SPTBN4: variants seen among roughly 807,000 people sequenced by gnomAD.
SPTBN4 encodes the protein spectrin beta, non-erythrocytic 4.
SPTBN4 carries 96 observed loss-of-function variants against 277.8 expected under a neutral mutation model. That is an observed-to-expected ratio of 0.35 (90% CI 0.29 to 0.41). The LOEUF (loss-of-function observed/expected upper bound fraction) is 0.41, where lower values mean the gene tolerates loss of function less well. Ranked by LOEUF, SPTBN4 falls within the 10% of genes least tolerant of loss-of-function variation. SPTBN4 has a pLI of 1.00. For missense variants in SPTBN4, 3,006 were observed against 3,595.7 expected (o/e 0.84, Z 4.19); for synonymous variants, 1,481 against 1,580.3 (o/e 0.94, Z 1.49).
intron 13 of SPTBN4, among the ~76,000 whole-genome samples, chr19:40,509,813 C>T (rs369809935): frequency 2.6e-5 from 4 of 152,140 alleles, no homozygotes; most frequent in South Asian, 2.1e-4. Flanking sequence ...TCACCCTAGC[C>T]GACCTGGGTC....
chr19:40,557,482 T>C, intron 26 of SPTBN4, 79 bp downstream of exon 26: 8 of 1,475,526 alleles, frequency 5.4e-6, no homozygotes, highest in Non-Finnish European at 7.2e-6. Flanking sequence ...AATCAGGCTG[T>C]GGAGCAGGTC....
In SPTBN4 at chr19:40,484,657, G is replaced by A. The variant is rs575045888; in HGVS notation, c.170-3040G>A. Among the ~76,000 whole-genome samples, 151 of 152,004 alleles carry A rather than the reference G, an allele frequency of 9.9e-4. 1 individual carries two copies. The highest frequency in any genetic ancestry group is 1.5e-3 in the Non-Finnish European group (100 of 68,020). On this transcript the variant is annotated intron_variant, in intron 2 of 35. Coordinates refer to ENST00000598249, the MANE Select transcript of SPTBN4 (RefSeq NM_020971.3). Reference sequence around the variant, plus strand: ...TAAACTTTATTTTTGGCCAGGCGAGGTGGCTCACGCCTGTAATCCTAGCAC... The same window carrying A: ...TAAACTTTATTTTTGGCCAGGCGAGATGGCTCACGCCTGTAATCCTAGCAC...
intron 18 of SPTBN4, 118 bp from the exon 19 acceptor site, chr19:40,532,507 A>G: frequency 7.5e-7 from 1 of 1,325,296 alleles, no homozygotes. Flanking sequence ...ATCCTTTCCT[A>G]TTCCTTCCAC....
chr19:40,568,717 T>G (rs1282425487), intron 31 of SPTBN4, among the ~76,000 whole-genome samples: 1 of 152,128 alleles, frequency 6.6e-6, no homozygotes, highest in Admixed American at 6.5e-5. Context: ...TCTTCTCCAT[T>G]GTATGACTAG....
At chr19:40,510,946 G>T (rs1203501772) in intron 13 of SPTBN4, among the ~76,000 whole-genome samples, 3 of 152,162 alleles carry the variant, frequency 2.0e-5, no homozygotes, top group African/African-American at 7.2e-5. Flanking sequence ...GAGCCCAGGA[G>T]TTGGAGGCTG....
chr19:40,484,313 A>G (rs1055360053), intron 2 of SPTBN4, among the ~76,000 whole-genome samples: 1 of 152,216 alleles, frequency 6.6e-6, no homozygotes, highest in Admixed American at 6.6e-5. Flanking sequence ...GGAAATATAC[A>G]TCTTTATTCC....
Position 40,560,554 on chromosome 19 carries a change from G to C in SPTBN4, c.5915+151G>C. On this transcript the variant is annotated intron_variant, in intron 27 of 35. Transcript: ENST00000598249. The surrounding 1 kb of genome is among the most constrained non-coding windows in gnomAD (Gnocchi z 5.2). The stretch of plus-strand genomic sequence containing the variant: ...TGCTAGGCACTGTTCTAGGTGCTTC[G>C]TGTGTATTCAGACCCCTTTTTTAGG... 1 of 1,525,444 alleles carries C rather than the reference G, an allele frequency of 6.6e-7. No homozygotes were observed. The highest frequency in any genetic ancestry group is 1.3e-5 in the South Asian group (1 of 78,448). The allele number at this position is 1,525,444 out of a possible 1,614,324, so 94.5% of individuals were successfully genotyped here.
At chr19:40,468,594 G>A (rs1233162453) in intron 1 of SPTBN4, among the ~76,000 whole-genome samples, 3 of 152,068 alleles carry the variant, frequency 2.0e-5, no homozygotes, top group South Asian at 2.1e-4. Flanking sequence ...TGGCCAGGCC[G>A]GTCTCGAATT....
intron 3 of SPTBN4, among the ~76,000 whole-genome samples, chr19:40,489,758 C>G (rs888725621): frequency 6.7e-6 from 1 of 149,212 alleles, no homozygotes; most frequent in Admixed American, 6.6e-5. Flanking sequence ...AGACTATGGG[C>G]TAGGAGGGCG....
chr19:40,543,090 C>T (rs1328628544), intron 20 of SPTBN4, among the ~76,000 whole-genome samples: 4 of 152,086 alleles, frequency 2.6e-5, no homozygotes, highest in Non-Finnish European at 5.9e-5. Flanking sequence ...CGGCCTACCT[C>T]CTCCCAACTT....
At chr19:40,468,099 C>T (rs1445107746) in intron 1 of SPTBN4, among the ~76,000 whole-genome samples, 3 of 143,578 alleles carry the variant, frequency 2.1e-5, no homozygotes, top group Admixed American at 1.4e-4. Flanking sequence ...TTTTTTGAGA[C>T]GGAGTTTCAC....
intron 6 of SPTBN4, among the ~76,000 whole-genome samples, chr19:40,496,901 C>T (rs1308434001): frequency 6.6e-6 from 1 of 151,624 alleles, no homozygotes; most frequent in Non-Finnish European, 1.5e-5. Context: ...GGTGAAACCC[C>T]GTCTCTACTA....
Position 40,575,492 on chromosome 19 carries a change from C to G in SPTBN4, c.7618C>G (p.Pro2540Ala), listed in dbSNP as rs771518530. 5.6e-6 allele frequency: 9 copies of G among 1,613,438 alleles called. No homozygotes were observed. The highest frequency in any genetic ancestry group is 7.6e-6 in the Non-Finnish European group (9 of 1,179,906). Residue 2540 changes from proline to alanine, a missense_variant, in exon 36 of 36, where the codon CCC (proline) becomes GCC (alanine). Pro to Ala is a conservative substitution (Grantham distance 27). Coordinates refer to ENST00000598249, the MANE Select transcript of SPTBN4 (RefSeq NM_020971.3). The part of the protein sequence containing the change: ...AEIARWGQTL[P>A]TTSSTDEGNP... ...GATCGCCCGCTGGGGCCAGACACTA[C>G]CCACTACTTCATCCACAGATGAGGG...
chr19:40,544,796 C>G (rs961959179), intron 20 of SPTBN4, among the ~76,000 whole-genome samples: 1 of 151,798 alleles, frequency 6.6e-6, no homozygotes, highest in African/African-American at 2.4e-5. Context: ...CCATACTGGT[C>G]TGGATTTGTT....
intron 31 of SPTBN4, among the ~76,000 whole-genome samples, chr19:40,569,153 C>T (rs1258300815): frequency 2.0e-5 from 3 of 152,076 alleles, no homozygotes; most frequent in Non-Finnish European, 2.9e-5. Context: ...CATCTGGGCG[C>T]GGTGGCTCAC....
rs2080397842 is a variant in SPTBN4, at chr19:40,512,121, T to TCAAA, written c.1817-482_1817-479dup. Reference sequence around the variant, plus strand: ...CTGGGCAACAGAGTAAGAATCTGTCTCAAACACACAAACAAACAAAAAACA... The same window carrying TCAAA: ...CTGGGCAACAGAGTAAGAATCTGTCTCAAACAAACACACAAACAAACAAAAAACA... On this transcript the variant is annotated intron_variant, in intron 13 of 35. Transcript: ENST00000598249. Among the ~76,000 whole-genome samples the TCAAA allele has an allele frequency of 2.6e-5, 4 of 152,174 alleles. No homozygotes were observed. In the South Asian group the frequency reaches 8.3e-4, roughly 32 times the overall value.
intron 1 of SPTBN4, among the ~76,000 whole-genome samples, chr19:40,471,905 ATTTTT>A (rs34333509): frequency 0.019 from 2,091 of 109,422 alleles, 60 homozygotes; most frequent in African/African-American, 0.066. Context: ...ACATCCAGCT[ATTTTT>A]TTTTTTTTTT....
At chr19:40,568,365 C>A (rs1434857939) in intron 31 of SPTBN4, 83 bp downstream of exon 31, 3 of 1,450,438 alleles carry the variant, frequency 2.1e-6, no homozygotes, top group Non-Finnish European at 2.7e-6. Flanking sequence ...AGTGAAAGGG[C>A]TTCAGGGCTC....
rs917320354 is a variant in SPTBN4, at chr19:40,515,918, CACAT to C, written c.2903+472_2903+475del. 4.7e-4 allele frequency among the ~76,000 whole-genome samples: 54 copies of C among 115,044 alleles called. No individual in the cohort carries two copies. Among genetic ancestry groups the C allele is most frequent in the Non-Finnish European group, 7.8e-4 (45 of 57,996 alleles). The allele number at this position is 115,044 out of a possible 152,430, so 75.5% of individuals were successfully genotyped here. ...CACACACAAAATATATATATACACA[CACAT>C]ATATATACACACATATATACGTATA... On this transcript the variant is annotated intron_variant, in intron 15 of 35. Coordinates refer to ENST00000598249, the MANE Select transcript of SPTBN4 (RefSeq NM_020971.3). The surrounding 1 kb of genome is among the most constrained non-coding windows in gnomAD (Gnocchi z 4.1).
Sources: allele counts gnomAD v4.1 joint callset (sites outside exome capture counted in the v4.1 genomes callset), GRCh38; gene constraint gnomAD v4.1.1; non-coding constraint Gnocchi (gnomAD v3.1); transcripts MANE v1.5; gene names NCBI Gene and HGNC (gene_info 2026-07-23, HGNC 2026-07-21).